The following HARBI1 variants were observed in gnomAD, a reference collection of about 807,000 sequenced individuals.
The protein encoded by HARBI1 is putative nuclease HARBI1.
HARBI1 carries 15 observed loss-of-function variants against 25.3 expected under a neutral mutation model. The ratio of observed to expected loss-of-function variants is 0.59; its 90% CI spans 0.40 to 0.91. The LOEUF (loss-of-function observed/expected upper bound fraction) is 0.91. Among genes scored for constraint, HARBI1 ranks in the 40% least tolerant of loss-of-function variants. The pLI, the probability that HARBI1 is intolerant of heterozygous loss-of-function variation, is 0.00. For synonymous variants in HARBI1, 168 were observed against 160.5 expected, an observed-to-expected ratio of 1.05 and a Z score of -0.35; for missense variants, 396 against 445.8, an observed-to-expected ratio of 0.89 and a Z score of 1.01.
At chr11:46,605,872 C>G (rs1436415066) in intron 2 of HARBI1, among the ~76,000 whole-genome samples, 6 of 150,768 alleles carry the variant, frequency 4.0e-5, no homozygotes, top group African/African-American at 1.5e-4. Flanking sequence ...CAGGCATGAG[C>G]CACCGCACCC....
chr11:46,616,460 C>T (rs1457199330), intron 1 of HARBI1, 79 bp from the exon 2 acceptor site: 2 of 1,360,960 alleles, frequency 1.5e-6, no homozygotes, highest in African/African-American at 1.5e-5. Context: ...AGCTCCTTTT[C>T]TACAAATTTC....
chr11:46,617,589 A>C (rs1167789429), upstream of HARBI1: 3 of 154,218 alleles, frequency 1.9e-5, no homozygotes, highest in Non-Finnish European at 3.8e-5. Flanking sequence ...AACACTAACG[A>C]TGGCGGCGCC....
intron 2 of HARBI1, among the ~76,000 whole-genome samples, chr11:46,611,295 C>G (rs2045174133): frequency 6.6e-6 from 1 of 152,132 alleles, no homozygotes; most frequent in South Asian, 2.1e-4. Context: ...GCGTGAGCCA[C>G]CGTGCCCGGC....
At chr11:46,608,803 C>T (rs1316055668) in intron 2 of HARBI1, among the ~76,000 whole-genome samples, 1 of 151,272 alleles carries the variant, frequency 6.6e-6, no homozygotes, top group African/African-American at 2.4e-5. Context: ...TTAGTAGAGA[C>T]AGGGTTTCAC....
chr11:46,614,359 G>C (rs2045297172), intron 2 of HARBI1, among the ~76,000 whole-genome samples: 2 of 152,004 alleles, frequency 1.3e-5, no homozygotes, highest in African/African-American at 4.8e-5. Context: ...GGGAGGCGGA[G>C]GTTGCAGTGA....
At chr11:46,614,128 A>T (rs1292354273) in intron 2 of HARBI1, among the ~76,000 whole-genome samples, 10 of 148,550 alleles carry the variant, frequency 6.7e-5, no homozygotes, top group South Asian at 4.2e-4. Context: ...TACATTTATT[A>T]ATATATATAT....
At chr11:46,614,736 C>T (rs1416199635) in intron 2 of HARBI1, among the ~76,000 whole-genome samples, 2 of 152,210 alleles carry the variant, frequency 1.3e-5, no homozygotes, top group African/African-American at 4.8e-5. Flanking sequence ...TGTACTAGTA[C>T]GTGCCACTGT....
intron 2 of HARBI1, among the ~76,000 whole-genome samples, chr11:46,611,218 A>G (rs1013854142): frequency 6.6e-6 from 1 of 152,044 alleles, no homozygotes; most frequent in African/African-American, 2.4e-5. Flanking sequence ...TGTGTTAGCC[A>G]GGATGGTCTG....
intron 2 of HARBI1, among the ~76,000 whole-genome samples, chr11:46,613,513 C>T (rs966355852): frequency 7.4e-6 from 1 of 135,590 alleles, no homozygotes; most frequent in Non-Finnish European, 1.6e-5. Flanking sequence ...GACAGAGTCT[C>T]CCTCTGTTGC....
At chr11:46,606,336 G>A (rs1411675448) in intron 2 of HARBI1, among the ~76,000 whole-genome samples, 5 of 147,790 alleles carry the variant, frequency 3.4e-5, no homozygotes, top group African/African-American at 5.0e-5. Context: ...TTTTTGAGAC[G>A]GAGCCTCACT....
chr11:46,612,497 A>C (rs527488319), intron 2 of HARBI1, among the ~76,000 whole-genome samples: 1 of 152,164 alleles, frequency 6.6e-6, no homozygotes, highest in Non-Finnish European at 1.5e-5. Context: ...ACCTTGGTTC[A>C]CACTGCTGAA....
chr11:46,616,225 T>C lies in HARBI1; in HGVS notation c.13A>G (p.Ile5Val). 1.2e-6 allele frequency: 2 copies of C among 1,608,842 alleles called. No individual in the cohort carries two copies. The highest frequency in any genetic ancestry group is 1.7e-6 in the Non-Finnish European group (2 of 1,179,692). Residue 5 changes from isoleucine (I) to valine (V), a missense_variant, in exon 2 of 3, where the codon ATA becomes GTA. Ile to Val is a conservative substitution (Grantham distance 29). Transcript: ENST00000326737. ...AAGAGGTCACAGTCAAGCACTGTTATTGGTATAGCCATGGTAAATGTGAAT... is the reference window on the plus strand; with the variant it reads ...AAGAGGTCACAGTCAAGCACTGTTACTGGTATAGCCATGGTAAATGTGAAT... Reference protein sequence around the residue: MAIPITVLDCDLLLY... With the variant: MAIPVTVLDCDLLLY...
At position 46,615,783 on chromosome 11, in the gene HARBI1, TG is replaced by T. The variant is rs1490401415; in HGVS notation, c.454del (p.His152MetfsTer15). Reference sequence around the variant, plus strand: ...AGCATTTGGTGCCTTGATGGCCACATGGATACAGTCAACCACCCCCATCACC... The same window carrying T: ...AGCATTTGGTGCCTTGATGGCCACATGATACAGTCAACCACCCCCATCACC... ...PGVMGVVDCI[H>X]VAIKAPNAED... On this transcript the variant is annotated frameshift_variant, in exon 2 of 3. Coordinates refer to ENST00000326737, the MANE Select transcript of HARBI1 (RefSeq NM_173811.4). LOFTEE classifies it high-confidence loss of function. 21 of 1,614,056 alleles carry T rather than the reference TG, an allele frequency of 1.3e-5. No homozygotes were observed. Among genetic ancestry groups the T allele is most frequent in the Non-Finnish European group, 1.8e-5 (21 of 1,180,038 alleles).
At chr11:46,609,848 GAAT>G (rs2045105104) in intron 2 of HARBI1, among the ~76,000 whole-genome samples, 1 of 139,610 alleles carries the variant, frequency 7.2e-6, no homozygotes. Context: ...ATAAATAAAA[GAAT>G]TTTTTTTTTT....
intron 2 of HARBI1, chr11:46,604,391 G>A (rs1446213974): frequency 5.7e-6 from 5 of 872,944 alleles, no homozygotes; most frequent in African/African-American, 1.8e-5. Flanking sequence ...GGCGACAAGC[G>A]CGAAACTCCA....
In HARBI1 at chr11:46,603,830, G is replaced by A. The variant is rs1009563874; in HGVS notation, c.750C>T (p.Asn250=). The change falls in exon 3 of 3, where the codon AAC becomes AAT. Residue 250 remains asparagine (N), a synonymous_variant. Coordinates refer to ENST00000326737, the MANE Select transcript of HARBI1 (RefSeq NM_173811.4). ...CACTGTGAGTTGCAGAATGGGCCAT[G>A]TTATAGCGATATTCTGCTGGAGTTT... ...IPETPAEYRY[N]MAHSATHSVI... is the part of the protein sequence containing the mutation. The A allele has an allele frequency of 1.2e-5, 20 of 1,614,044 alleles. No homozygotes were observed. The highest frequency in any genetic ancestry group is 3.3e-4 in the Middle Eastern group (2 of 6,084).
intron 1 of HARBI1, chr11:46,616,831 CA>C (rs749013239): frequency 0.017 from 10,233 of 602,832 alleles, 1 homozygote; most frequent in Middle Eastern, 0.019. Flanking sequence ...AAAGAAGGGG[CA>C]AAAAAAAAAA....
rs2045366034 is a variant in HARBI1, at chr11:46,615,686, C to T, written c.552G>A (p.Gly184=). 7 of 1,614,054 alleles carry T rather than the reference C, an allele frequency of 4.3e-6. No homozygotes were observed. In the African/African-American group the frequency reaches 5.3e-5, roughly 12 times the overall value. ...LNCLMVCDIR[G]TLMTVETNWP... is the part of the protein sequence containing the mutation. ...AGTTTGTCTCCACGGTCATTAGTGT[C>T]CCTCTAATGTCACACACCATCAGGC... The change falls in exon 2 of 3, where the codon GGG becomes GGA. Residue 184 remains glycine (G), a synonymous_variant. Transcript: ENST00000326737.
At chr11:46,608,016 C>T (rs187218777) in intron 2 of HARBI1, among the ~76,000 whole-genome samples, 299 of 151,610 alleles carry the variant, frequency 2.0e-3, no homozygotes, top group Admixed American at 3.6e-3. Context: ...TACAATTAGG[C>T]GGCCAGGTGC....
Sources: gnomAD v4.1 joint callset for allele counts (sites outside exome capture counted in the v4.1 genomes callset) on GRCh38, gnomAD v4.1.1 for gene constraint, MANE v1.5 for transcripts, NCBI Gene and HGNC (gene_info 2026-07-23, HGNC 2026-07-21) for gene names.